SAMD13: variants seen among roughly 807,000 people sequenced by gnomAD.
SAMD13 encodes sterile alpha motif domain-containing protein 13.
A neutral mutation model predicts 12.4 loss-of-function variants in SAMD13; 9 were observed. That is an observed-to-expected ratio of 0.72 (90% CI 0.44 to 1.26). SAMD13 has a LOEUF of 1.26. Among genes scored for constraint, SAMD13 ranks in the 50% most tolerant of loss-of-function variants. The pLI is 0.00. For synonymous variants in SAMD13, 46 were observed against 45.4 expected (o/e 1.01, Z -0.05); for missense variants, 84 against 119.6 (o/e 0.70, Z 1.39).
At chr1:84,347,184 A>T (rs1679551437) in intron 3 of SAMD13, among the ~76,000 whole-genome samples, 1 of 152,172 alleles carries the variant, frequency 6.6e-6, no homozygotes, top group African/African-American at 2.4e-5. Flanking sequence ...CTTCATTTCC[A>T]TTATTCTCTA....
chr1:84,328,917 C>T (rs1214098948), intron 3 of SAMD13, among the ~76,000 whole-genome samples: 1 of 152,142 alleles, frequency 6.6e-6, no homozygotes, highest in Non-Finnish European at 1.5e-5. Flanking sequence ...ATCCCCTAAA[C>T]CACTTTTGAA....
At chr1:84,299,667 A>ATATG, upstream of SAMD13, 1 of 937,972 alleles carries the variant, frequency 1.1e-6, no homozygotes, top group Non-Finnish European at 1.4e-6. Flanking sequence ...GTATATATAT[A>ATATG]TATATATATT....
In SAMD13 at chr1:84,349,852, C is replaced by A; in HGVS notation, c.*78C>A. ...GTTTCATGTAATGAAACTTTGTAAA[C>A]AGAATACATACATGTGTATATGTAA... On this transcript the variant is annotated 3_prime_UTR_variant, in exon 4 of 4. Coordinates refer to ENST00000394834, the MANE Select transcript of SAMD13 (RefSeq NM_001134663.2). The A allele has an allele frequency of 6.5e-7, 1 of 1,546,720 alleles. No individual in the cohort carries two copies. Among genetic ancestry groups the A allele is most frequent in the Non-Finnish European group, 8.7e-7 (1 of 1,149,600 alleles).
chr1:84,300,441 G>C (rs1678431275), upstream of SAMD13, among the ~76,000 whole-genome samples: 1 of 152,128 alleles, frequency 6.6e-6, no homozygotes, highest in African/African-American at 2.4e-5. Flanking sequence ...TTAGATCAAA[G>C]GTAATCTCCT....
intron 2 of SAMD13, among the ~76,000 whole-genome samples, chr1:84,310,047 A>G (rs1035164551): frequency 2.0e-4 from 31 of 152,346 alleles, no homozygotes; most frequent in African/African-American, 7.5e-4. Context: ...GGATATATGT[A>G]TCAGTCAGTG....
At chr1:84,330,610 C>T (rs1679158478) in intron 3 of SAMD13, among the ~76,000 whole-genome samples, 1 of 152,168 alleles carries the variant, frequency 6.6e-6, no homozygotes, top group Admixed American at 6.6e-5. Flanking sequence ...CTTTTAGTTG[C>T]CATTTAAGGA....
intron 3 of SAMD13, among the ~76,000 whole-genome samples, chr1:84,343,917 A>G (rs757784434): frequency 6.6e-6 from 1 of 152,182 alleles, no homozygotes; most frequent in African/African-American, 2.4e-5. Flanking sequence ...TTGACAATAT[A>G]TGGGAGGTCT....
intron 1 of SAMD13, chr1:84,302,163 T>C (rs1322158032): frequency 6.6e-6 from 1 of 152,174 alleles, no homozygotes; most frequent in African/African-American, 2.4e-5. Context: ...TATTTGTTAA[T>C]CATCTACTTC....
At position 84,350,115 on chromosome 1, in the gene SAMD13, A is replaced by G. The variant is rs1309999530; in HGVS notation, c.*341A>G. 1.7e-5 allele frequency: 3 copies of G among 178,780 alleles called. No individual in the cohort carries two copies. 11.1% of individuals were successfully genotyped at this position (178,780 alleles called of 1,614,324 possible). On this transcript the variant is annotated 3_prime_UTR_variant, in exon 4 of 4. Transcript: ENST00000394834. ...CCAAAATCTTTTAAAAAAGAATTTA[A>G]TTAAATGACAGTCTTTTGGTTACAG...
At chr1:84,307,868 T>A (rs975997790) in intron 2 of SAMD13, among the ~76,000 whole-genome samples, 1 of 152,148 alleles carries the variant, frequency 6.6e-6, no homozygotes, top group African/African-American at 2.4e-5. Flanking sequence ...AGGCACTATA[T>A]CCATCCCTGC....
intron 2 of SAMD13, among the ~76,000 whole-genome samples, chr1:84,304,903 G>C (rs545108485): frequency 6.6e-6 from 1 of 152,124 alleles, no homozygotes; most frequent in African/African-American, 2.4e-5. Context: ...ACAACAATTT[G>C]TTTACTACCA....
At chr1:84,321,722 A>G (rs1003153495) in intron 2 of SAMD13, among the ~76,000 whole-genome samples, 1 of 152,234 alleles carries the variant, frequency 6.6e-6, no homozygotes, top group Admixed American at 6.5e-5. Flanking sequence ...TTCCTAGCAG[A>G]GAATGGTGCT....
chr1:84,298,561 CG>C, upstream of SAMD13: 2 of 1,277,734 alleles, frequency 1.6e-6, no homozygotes, highest in Non-Finnish European at 2.0e-6. Flanking sequence ...CGCGGCCATG[CG>C]GGGAGGTAAG....
chr1:84,346,131 T>C (rs1207924546), intron 3 of SAMD13, among the ~76,000 whole-genome samples: 3 of 152,188 alleles, frequency 2.0e-5, no homozygotes, highest in Non-Finnish European at 2.9e-5. Context: ...CCCCATCACA[T>C]AGATAAGAAA....
chr1:84,339,079 T>C (rs959099851), intron 3 of SAMD13, among the ~76,000 whole-genome samples: 1 of 152,212 alleles, frequency 6.6e-6, no homozygotes, highest in African/African-American at 2.4e-5. Flanking sequence ...GGATTTTGCT[T>C]TAACTTTCTC....
intron 3 of SAMD13, among the ~76,000 whole-genome samples, chr1:84,328,419 T>C (rs1276528380): frequency 6.6e-6 from 1 of 152,210 alleles, no homozygotes; most frequent in African/African-American, 2.4e-5. Flanking sequence ...GCAAGCATGG[T>C]CCAGAAGCTT....
At chr1:84,304,286 G>A (rs528733283) in intron 2 of SAMD13, 2 of 152,288 alleles carry the variant, frequency 1.3e-5, no homozygotes, top group South Asian at 4.1e-4. Flanking sequence ...GGGTAGGTAG[G>A]TGGAGGAGAA....
rs180739347 is a variant in SAMD13, at chr1:84,309,559, T to C, written c.53+6272T>C. Among the ~76,000 whole-genome samples, 39 of 152,340 alleles carry C rather than the reference T, an allele frequency of 2.6e-4. No homozygotes were observed. The East Asian group carries it at 6.2e-3, about 24-fold the overall frequency. On this transcript the variant is annotated intron_variant, in intron 2 of 3. Transcript: ENST00000394834. ...TCTGATGTGGACCCTTGTTCAGATC[T>C]CTGTTATTCTGTATATTATGGGTCA...
intron 3 of SAMD13, chr1:84,344,824 A>G: frequency 2.3e-6 from 1 of 442,544 alleles, no homozygotes; most frequent in Non-Finnish European, 4.5e-6. Context: ...TCAAACAAGT[A>G]GCAAGAGGCC....
Sources: gnomAD v4.1 joint callset for allele counts (sites outside exome capture counted in the v4.1 genomes callset) on GRCh38, gnomAD v4.1.1 for gene constraint, MANE v1.5 for transcripts, NCBI Gene and HGNC (gene_info 2026-07-23, HGNC 2026-07-21) for gene names.